Variants in DSCAM observed in about 807,000 individuals in gnomAD.
The protein encoded by DSCAM is DS cell adhesion molecule.
In DSCAM, 47 loss-of-function variants were observed where a neutral mutation model predicts 217.7. That is an observed-to-expected ratio of 0.22 (90% CI 0.17 to 0.28). The LOEUF is 0.28. Among genes scored for constraint, DSCAM ranks in the 10% least tolerant of loss-of-function variants. The pLI, the probability that DSCAM is intolerant of heterozygous loss-of-function variation, is 1.00. For missense variants in DSCAM, 2,080 were observed against 2,618.3 expected (o/e 0.79, Z 4.49); for synonymous variants, 1,056 against 1,015.3 (o/e 1.04, Z -0.76).
At chr21:40,387,974 A>T (rs1461664149) in intron 3 of DSCAM, among the ~76,000 whole-genome samples, 2 of 152,196 alleles carry the variant, frequency 1.3e-5, no homozygotes, top group African/African-American at 4.8e-5. Context: ...AATATTTCCT[A>T]GAGAGAAAAA....
chr21:40,671,300 A>T (rs1270329930), intron 3 of DSCAM, among the ~76,000 whole-genome samples: 1 of 152,248 alleles, frequency 6.6e-6, no homozygotes, highest in African/African-American at 2.4e-5. Context: ...TGTAAAACTT[A>T]TAAGGAGAAC....
chr21:40,250,063 C>T (rs4818121), intron 11 of DSCAM, among the ~76,000 whole-genome samples: 4,328 of 152,284 alleles, frequency 0.028, 285 homozygotes, highest in East Asian at 0.22. Flanking sequence ...GCAGGTTCTA[C>T]TCACATTGAC....
intron 8 of DSCAM, among the ~76,000 whole-genome samples, chr21:40,329,361 A>G (rs1219388042): frequency 1.3e-5 from 2 of 152,182 alleles, no homozygotes; most frequent in African/African-American, 4.8e-5. Flanking sequence ...AACAACTGTA[A>G]TCCCTGCACT....
chr21:40,555,043 T>A (rs191421594), intron 3 of DSCAM, among the ~76,000 whole-genome samples: 13 of 152,328 alleles, frequency 8.5e-5, no homozygotes, highest in African/African-American at 2.4e-4. Flanking sequence ...AGTGAGTGAG[T>A]GAATGAAATG....
intron 3 of DSCAM, among the ~76,000 whole-genome samples, chr21:40,524,802 A>C (rs1313238400): frequency 6.6e-6 from 1 of 152,016 alleles, no homozygotes; most frequent in Non-Finnish European, 1.5e-5. Context: ...TGAGGTCAGG[A>C]GTTCAAGACA....
chr21:40,452,781 G>C (rs1341183726), intron 3 of DSCAM, among the ~76,000 whole-genome samples: 5 of 151,808 alleles, frequency 3.3e-5, no homozygotes, highest in Non-Finnish European at 7.4e-5. Flanking sequence ...ATAGAGCCTT[G>C]GTAATAGCTG....
intron 1 of DSCAM, among the ~76,000 whole-genome samples, chr21:40,776,356 A>G (rs2091488421): frequency 6.6e-6 from 1 of 152,198 alleles, no homozygotes; most frequent in African/African-American, 2.4e-5. Context: ...TGTGTCTTTC[A>G]GGATTATGAT....
chr21:40,704,541 T>C (rs2090691909), intron 2 of DSCAM, among the ~76,000 whole-genome samples: 1 of 151,762 alleles, frequency 6.6e-6, no homozygotes, highest in South Asian at 2.1e-4. Context: ...ATAGTGAGAA[T>C]ACCCTCTACA....
chr21:40,051,927 C>T (rs776394288), intron 30 of DSCAM, 31 bp downstream of exon 30: 57 of 1,589,120 alleles, frequency 3.6e-5, no homozygotes, highest in Non-Finnish European at 4.9e-5. Flanking sequence ...TTGTTAACAC[C>T]CACACATTTT....
At chr21:40,251,322 C>A (rs553132430) in intron 11 of DSCAM, among the ~76,000 whole-genome samples, 186 of 152,132 alleles carry the variant, frequency 1.2e-3, no homozygotes, top group Middle Eastern at 3.4e-3. Context: ...TTTCTAGTTA[C>A]AGAAAAATGC....
chr21:40,679,137 G>C (rs2090372428), intron 3 of DSCAM, among the ~76,000 whole-genome samples: 1 of 152,134 alleles, frequency 6.6e-6, no homozygotes, highest in Admixed American at 6.5e-5. Context: ...AGGCTGATGT[G>C]AAATTTGATT....
At chr21:40,293,657 T>C (rs2073921044) in intron 10 of DSCAM, among the ~76,000 whole-genome samples, 2 of 152,070 alleles carry the variant, frequency 1.3e-5, no homozygotes, top group African/African-American at 4.8e-5. Flanking sequence ...TCATCTCTAC[T>C]AAAAATACAA....
chr21:40,356,155 T>A (rs1371876885), intron 4 of DSCAM, among the ~76,000 whole-genome samples: 1 of 152,136 alleles, frequency 6.6e-6, no homozygotes. Flanking sequence ...CAGAGTGGGA[T>A]TGCTAGATCA....
intron 1 of DSCAM, among the ~76,000 whole-genome samples, chr21:40,738,678 T>A (rs2091089739): frequency 6.6e-6 from 1 of 152,114 alleles, no homozygotes; most frequent in African/African-American, 2.4e-5. Flanking sequence ...CCCCAGAGAA[T>A]CTGATTCAGT....
intron 3 of DSCAM, among the ~76,000 whole-genome samples, chr21:40,391,179 C>A (rs2075130455): frequency 6.6e-6 from 1 of 152,188 alleles, no homozygotes; most frequent in Admixed American, 6.5e-5. Flanking sequence ...TTCACAAAGA[C>A]AGGTGAGAGC....
chr21:40,575,861 A>C (rs894392927), intron 3 of DSCAM, among the ~76,000 whole-genome samples: 27 of 152,360 alleles, frequency 1.8e-4, no homozygotes, highest in African/African-American at 6.5e-4. Flanking sequence ...TCCCAGAAGA[A>C]GACATATCAC....
chr21:40,074,665 G>A (rs984287392), intron 27 of DSCAM, among the ~76,000 whole-genome samples: 18 of 152,218 alleles, frequency 1.2e-4, no homozygotes, highest in African/African-American at 3.9e-4. Context: ...AGTCAGTCAA[G>A]TAATTCTCAT....
chr21:40,029,515 T>C (rs1258070824), intron 32 of DSCAM, among the ~76,000 whole-genome samples: 1 of 152,034 alleles, frequency 6.6e-6, no homozygotes, highest in Non-Finnish European at 1.5e-5. Context: ...AGTTACTGGA[T>C]TTTAATTTTA....
chr21:40,639,520 T>G (rs2089851256), intron 3 of DSCAM, among the ~76,000 whole-genome samples: 1 of 152,154 alleles, frequency 6.6e-6, no homozygotes, highest in African/African-American at 2.4e-5. Flanking sequence ...TTGAACGATT[T>G]TGAAAGAAAT....
Sources: allele counts gnomAD v4.1 joint callset (sites outside exome capture counted in the v4.1 genomes callset), GRCh38; gene constraint gnomAD v4.1.1; transcripts MANE v1.5; gene names NCBI Gene and HGNC (gene_info 2026-07-23, HGNC 2026-07-21).